SETDB1: variants seen among roughly 807,000 people sequenced by gnomAD.
SETDB1 encodes SET domain bifurcated histone lysine methyltransferase 1.
SETDB1 carries 31 observed loss-of-function variants against 137.4 expected under a neutral mutation model. The ratio of observed to expected loss-of-function variants is 0.23; its 90% CI spans 0.17 to 0.30. SETDB1 has a LOEUF of 0.30. Among genes scored for constraint, SETDB1 ranks in the 10% least tolerant of loss-of-function variants. The pLI, the probability that SETDB1 is intolerant of heterozygous loss-of-function variation, is 1.00. For missense variants in SETDB1, 1,113 were observed against 1,631.5 expected, an observed-to-expected ratio of 0.68 and a Z score of 5.47; for synonymous variants, 548 against 579.9, an observed-to-expected ratio of 0.95 and a Z score of 0.79.
intron 3 of SETDB1, among the ~76,000 whole-genome samples, chr1:150,934,890 C>T (rs1482270119): frequency 6.6e-6 from 1 of 151,494 alleles, no homozygotes; most frequent in Non-Finnish European, 1.5e-5. Flanking sequence ...GGTGAGATCT[C>T]AGCTCACTGC....
At chr1:150,950,207 C>G (rs919783745) in intron 12 of SETDB1, among the ~76,000 whole-genome samples, 14 of 134,556 alleles carry the variant, frequency 1.0e-4, no homozygotes, top group Middle Eastern at 3.6e-3. Context: ...GTACTCCAGC[C>G]TAGGCAAAAA....
At chr1:150,954,044 C>T (rs1020643652) in intron 14 of SETDB1, among the ~76,000 whole-genome samples, 18 of 151,952 alleles carry the variant, frequency 1.2e-4, no homozygotes, top group African/African-American at 4.3e-4. Flanking sequence ...TTAGTAGAGA[C>T]AGGGTTTCAC....
At chr1:150,939,645 A>G (rs1014765917) in intron 3 of SETDB1, among the ~76,000 whole-genome samples, 15 of 151,702 alleles carry the variant, frequency 9.9e-5, no homozygotes, top group Non-Finnish European at 1.5e-4. Flanking sequence ...TTTAAGAGAC[A>G]GGCTCTTGTT....
At chr1:150,939,887 G>A in intron 3 of SETDB1, 53 bp from the exon 4 acceptor site, 1 of 1,378,192 alleles carries the variant, frequency 7.3e-7, no homozygotes, top group Admixed American at 2.1e-5. Context: ...TAATTTCCCA[G>A]AAGTTCCTCT....
At chr1:150,959,997 CT>C (rs1670771500) in intron 15 of SETDB1, among the ~76,000 whole-genome samples, 1 of 151,406 alleles carries the variant, frequency 6.6e-6, no homozygotes, top group Admixed American at 6.6e-5. Context: ...CACTTGAACC[CT>C]TGAGGCAGAG....
chr1:150,935,486 G>C (rs1008766190), intron 3 of SETDB1, among the ~76,000 whole-genome samples: 5 of 151,610 alleles, frequency 3.3e-5, no homozygotes, highest in South Asian at 4.2e-4. Context: ...TACATATATG[G>C]TGGAATGCTT....
chr1:150,955,241 T>C (rs970143142), intron 14 of SETDB1, among the ~76,000 whole-genome samples: 4 of 152,246 alleles, frequency 2.6e-5, no homozygotes, highest in Non-Finnish European at 4.4e-5. Flanking sequence ...TGTTCATATC[T>C]TTTTTACACG....
chr1:150,958,443 G>T (rs996733283), intron 14 of SETDB1, among the ~76,000 whole-genome samples: 1 of 151,446 alleles, frequency 6.6e-6, no homozygotes, highest in African/African-American at 2.4e-5. Flanking sequence ...TTAGAGACGG[G>T]GTTTTACTGT....
At chr1:150,935,787 A>G (rs972634021) in intron 3 of SETDB1, among the ~76,000 whole-genome samples, 9 of 152,090 alleles carry the variant, frequency 5.9e-5, no homozygotes, top group African/African-American at 1.9e-4. Flanking sequence ...TTAATTTCCT[A>G]TCGTTCTTTG....
chr1:150,954,795 A>G (rs1157422676), intron 14 of SETDB1, among the ~76,000 whole-genome samples: 4 of 152,138 alleles, frequency 2.6e-5, no homozygotes, highest in Non-Finnish European at 1.5e-5. Context: ...GGCTAAATAC[A>G]TTTTTTTAGA....
rs587609503 is a variant in SETDB1, at chr1:150,945,221, G to A, written c.1140+113G>A. The A allele has an allele frequency of 3.5e-4, 525 of 1,518,944 alleles. No homozygotes were observed. Among genetic ancestry groups the A allele is most frequent in the South Asian group, 4.2e-4 (34 of 80,658 alleles). 94.1% of individuals were successfully genotyped at this position (1,518,944 alleles called of 1,614,324 possible). On this transcript the variant is annotated intron_variant, in intron 9 of 21. Transcript: ENST00000692827. ...CATAGCCTTCCTCTTTCTTATCCTCGTATGTGTTCTCACTGTTTTTGGTCA... is the reference window on the plus strand; with the variant it reads ...CATAGCCTTCCTCTTTCTTATCCTCATATGTGTTCTCACTGTTTTTGGTCA...
At position 150,941,367 on chromosome 1, in the gene SETDB1, A is replaced by G. The variant is rs761331671; in HGVS notation, c.486A>G (p.Gln162=). The G allele has an allele frequency of 5.6e-6, 9 of 1,613,700 alleles. No homozygotes were observed. The highest frequency in any genetic ancestry group is 1.1e-5 in the South Asian group (1 of 91,066). Reference sequence around the variant, plus strand: ...TGGCTGCCTTAAGAAAGTCAGCTCAAGATGTTCAGAAGTTCATGGATGCTG... The same window carrying G: ...TGGCTGCCTTAAGAAAGTCAGCTCAGGATGTTCAGAAGTTCATGGATGCTG... The part of the protein sequence containing the change: ...EAMAALRKSA[Q]DVQKFMDAVN... The change falls in exon 5 of 22, where the codon CAA becomes CAG. Residue 162 remains glutamine, a synonymous_variant. Transcript: ENST00000692827.
In SETDB1 at chr1:150,927,835, C is replaced by G. The variant is rs746384059; in HGVS notation, c.121C>G (p.Arg41Gly). The change falls in exon 2 of 22, where the codon CGG (arginine) becomes GGG (glycine). Residue 41 changes from arginine (R) to glycine (G), a missense_variant. By Grantham distance (125) the Arg-to-Gly change is moderately radical. Coordinates refer to ENST00000692827, the MANE Select transcript of SETDB1 (RefSeq NM_001366418.1). Reference protein sequence around the residue: ...EELGISMEELRHFIDEELEKM... With the variant: ...EELGISMEELGHFIDEELEKM... ...ACTGGGTATCTCTATGGAGGAACTTCGGCATTTCATCGATGAGGAACTGGA... is the reference window on the plus strand; with the variant it reads ...ACTGGGTATCTCTATGGAGGAACTTGGGCATTTCATCGATGAGGAACTGGA... 6 of 1,614,056 alleles carry G rather than the reference C, an allele frequency of 3.7e-6. No individual in the cohort carries two copies. In the Admixed American group the frequency reaches 1.0e-4, roughly 27 times the overall value.
chr1:150,948,234 A>C (rs1326770870), intron 10 of SETDB1, among the ~76,000 whole-genome samples: 2 of 151,730 alleles, frequency 1.3e-5, no homozygotes, highest in African/African-American at 4.8e-5. Flanking sequence ...GTCTATAAAA[A>C]GAAAAAAAAG....
intron 20 of SETDB1, 62 bp from the exon 21 acceptor site, chr1:150,963,933 C>A: frequency 6.7e-7 from 1 of 1,498,078 alleles, no homozygotes; most frequent in Non-Finnish European, 9.3e-7. Context: ...AACTCTCACT[C>A]TCCCTGCAAA....
intron 10 of SETDB1, among the ~76,000 whole-genome samples, chr1:150,947,691 A>C (rs1023193499): frequency 2.6e-5 from 4 of 152,166 alleles, no homozygotes; most frequent in Admixed American, 2.6e-4. Context: ...TGGGAGGATC[A>C]ATTGAAGCCA....
intron 14 of SETDB1, 108 bp from the exon 15 acceptor site, chr1:150,959,070 C>A: frequency 1.3e-6 from 1 of 761,594 alleles, no homozygotes; most frequent in South Asian, 2.4e-5. Flanking sequence ...TAATCTTTAT[C>A]CACAACACAT....
intron 7 of SETDB1, 78 bp from the exon 8 acceptor site, chr1:150,943,842 C>G: frequency 1.2e-6 from 1 of 867,814 alleles, no homozygotes; most frequent in Non-Finnish European, 2.0e-6. Context: ...GAAGTAGAAG[C>G]TATGATAAAA....
intron 3 of SETDB1, among the ~76,000 whole-genome samples, chr1:150,936,249 A>T (rs1669942832): frequency 6.6e-6 from 1 of 152,124 alleles, no homozygotes. Context: ...TCGGCCTCCC[A>T]AAGTGCTGGG....
Sources: allele counts gnomAD v4.1 joint callset (sites outside exome capture counted in the v4.1 genomes callset), GRCh38; gene constraint gnomAD v4.1.1; transcripts MANE v1.5; gene names NCBI Gene and HGNC (gene_info 2026-07-23, HGNC 2026-07-21).